Variants in LMO7 observed in about 807,000 individuals in gnomAD.
The protein encoded by LMO7 is LIM domain only protein 7.
Under a neutral mutation model 206.5 loss-of-function variants are expected in LMO7, and 120 were observed. That is an observed-to-expected ratio of 0.58 (90% CI 0.50 to 0.68). The LOEUF (loss-of-function observed/expected upper bound fraction) is 0.68. LMO7 is among the 30% of genes least tolerant of loss of function. The pLI is 0.00. For missense variants in LMO7, 1,959 were observed against 1,957.9 expected (o/e 1.00, Z -0.01); for synonymous variants, 706 against 681.5 (o/e 1.04, Z -0.56).
intron 10 of LMO7, 150 bp downstream of exon 10, chr13:75,808,349 C>T: frequency 1.1e-6 from 1 of 934,944 alleles, no homozygotes; most frequent in Non-Finnish European, 1.6e-6. Flanking sequence ...CTTTGAAAAA[C>T]CCTCAGTCGT....
At chr13:75,852,230 G>T (rs1296428645) in intron 27 of LMO7, among the ~76,000 whole-genome samples, 1 of 152,102 alleles carries the variant, frequency 6.6e-6, no homozygotes, top group Non-Finnish European at 1.5e-5. Flanking sequence ...TAAGCACTGA[G>T]TAAATAAAAA....
chr13:75,700,709 A>T (rs1460590221), intron 1 of LMO7, among the ~76,000 whole-genome samples: 2 of 152,232 alleles, frequency 1.3e-5, no homozygotes, highest in South Asian at 4.1e-4. Context: ...AACCAAGAAG[A>T]CTGCTAAGAG....
intron 2 of LMO7, among the ~76,000 whole-genome samples, chr13:75,723,058 C>T (rs934188431): frequency 1.3e-5 from 2 of 151,686 alleles, no homozygotes; most frequent in Non-Finnish European, 2.9e-5. Context: ...CTACATATTG[C>T]GTGCAGTGGA....
At chr13:75,705,671 T>C (rs1303838243) in intron 1 of LMO7, among the ~76,000 whole-genome samples, 4 of 152,232 alleles carry the variant, frequency 2.6e-5, no homozygotes, top group Non-Finnish European at 4.4e-5. Flanking sequence ...TTCAAAATTA[T>C]AGAAAAACTG....
intron 2 of LMO7, among the ~76,000 whole-genome samples, chr13:75,726,001 T>TC: frequency 6.6e-6 from 1 of 151,986 alleles, no homozygotes; most frequent in African/African-American, 2.4e-5. Context: ...TTTTTTTTTT[T>TC]TTGCTGCCCA....
chr13:75,807,407 A>T lies in LMO7; in HGVS notation c.1197-73A>T, dbSNP rs2055685753. The T allele has an allele frequency of 1.3e-5, 19 of 1,492,826 alleles. 1 individual carries two copies. The South Asian group carries it at 2.5e-4, about 20-fold the overall frequency. 92.5% of individuals were successfully genotyped at this position (1,492,826 alleles called of 1,614,324 possible). ...GTTGGTCTGCTAATCACCTTTGGCT[A>T]GTCGATCTGCTAATTACCTTTTCTC... On this transcript the variant is annotated intron_variant, in intron 9 of 30. Transcript: ENST00000377534.
At chr13:75,696,061 A>G (rs1357294757) in intron 1 of LMO7, among the ~76,000 whole-genome samples, 1 of 152,190 alleles carries the variant, frequency 6.6e-6, no homozygotes, top group Admixed American at 6.5e-5. Flanking sequence ...CATTTCCAGT[A>G]AAGAACCGAA....
intron 3 of LMO7, among the ~76,000 whole-genome samples, chr13:75,744,297 CATAATCTCTT>C (rs1301064751): frequency 6.6e-6 from 1 of 152,172 alleles, no homozygotes; most frequent in East Asian, 1.9e-4. Flanking sequence ...TTATTTCTAG[CATAATCTCTT>C]AGTCATAACA....
At chr13:75,848,705 C>T (rs1413222267) in intron 26 of LMO7, among the ~76,000 whole-genome samples, 1 of 152,030 alleles carries the variant, frequency 6.6e-6, no homozygotes, top group Non-Finnish European at 1.5e-5. Context: ...GCAAATTGTG[C>T]TGCTATAAAC....
At chr13:75,843,771 A>AAT (rs1270629196) in intron 25 of LMO7, among the ~76,000 whole-genome samples, 8 of 152,210 alleles carry the variant, frequency 5.3e-5, no homozygotes, top group African/African-American at 1.9e-4. Flanking sequence ...CTGTCAAACA[A>AAT]ATATTGAGGG....
chr13:75,836,308 A>C, intron 18 of LMO7, 89 bp from the exon 19 acceptor site: 1 of 700,342 alleles, frequency 1.4e-6, no homozygotes. Flanking sequence ...TCATCTTGTT[A>C]AAATATATAT....
chr13:75,801,959 CCT>C (rs10559208), intron 7 of LMO7, among the ~76,000 whole-genome samples: 15,898 of 151,572 alleles, frequency 0.1, 1,169 homozygotes, highest in East Asian at 0.21. Context: ...ATCTCTCTCT[CCT>C]CTCTCTCTCT....
chr13:75,850,641 A>G (rs1216516804), intron 27 of LMO7, among the ~76,000 whole-genome samples: 2 of 152,176 alleles, frequency 1.3e-5, no homozygotes, highest in African/African-American at 4.8e-5. Context: ...GTAACTCACA[A>G]TCTCTCACAG....
chr13:75,697,517 C>T (rs1176448131), intron 1 of LMO7, among the ~76,000 whole-genome samples: 1 of 152,158 alleles, frequency 6.6e-6, no homozygotes, highest in Admixed American at 6.5e-5. Flanking sequence ...AAACTGCCCC[C>T]ATGATTCAAT....
chr13:75,849,210 C>G lies in LMO7; in HGVS notation c.4282C>G (p.Leu1428Val). The change falls in exon 27 of 31, where the codon CTT (leucine) becomes GTT (valine). Residue 1428 changes from leucine (L) to valine (V), a missense_variant. Physicochemically the swap from Leu to Val is conservative, Grantham distance 32. Transcript: ENST00000377534. ...TCAGGAAATGAGGAAGAGAACACCC[C>G]TTCACAATGACAACAGCTGGATCCG... is the stretch of plus-strand genomic sequence containing the variant. ...ILQEMRKRTP[L>V]HNDNSWIRQR... is the part of the protein sequence containing the mutation. The G allele has an allele frequency of 6.2e-7, 1 of 1,614,112 alleles. No homozygotes were observed. Among genetic ancestry groups the G allele is most frequent in the Non-Finnish European group, 8.5e-7 (1 of 1,179,962 alleles).
intron 1 of LMO7, among the ~76,000 whole-genome samples, chr13:75,653,368 A>G (rs147381941): frequency 1.1e-4 from 17 of 152,302 alleles, no homozygotes; most frequent in Non-Finnish European, 2.2e-4. Context: ...ATTGCTTCCA[A>G]TGATGTCCAT....
At chr13:75,697,668 T>A (rs2042000085) in intron 1 of LMO7, among the ~76,000 whole-genome samples, 1 of 152,246 alleles carries the variant, frequency 6.6e-6, no homozygotes, top group Admixed American at 6.5e-5. Flanking sequence ...ACATGTGTAT[T>A]GATCTTTTAT....
intron 4 of LMO7, among the ~76,000 whole-genome samples, chr13:75,788,574 T>G (rs1317328694): frequency 6.6e-6 from 1 of 152,122 alleles, no homozygotes; most frequent in Admixed American, 6.5e-5. Context: ...ATCTTACATA[T>G]TTAAACCAGA....
chr13:75,822,825 AATAT>A (rs35183302), intron 14 of LMO7, among the ~76,000 whole-genome samples: 78 of 132,898 alleles, frequency 5.9e-4, no homozygotes, highest in South Asian at 1.2e-3. Flanking sequence ...TATATAATAA[AATAT>A]ATATATATAT....
Sources: gnomAD v4.1 joint callset for allele counts (sites outside exome capture counted in the v4.1 genomes callset) on GRCh38, gnomAD v4.1.1 for gene constraint, MANE v1.5 for transcripts, NCBI Gene and HGNC (gene_info 2026-07-23, HGNC 2026-07-21) for gene names.